RUSC1: variants seen among roughly 807,000 people sequenced by gnomAD.
The protein encoded by RUSC1 is RUN and SH3 domain containing 1.
RUSC1 carries 40 observed loss-of-function variants against 72.1 expected under a neutral mutation model. That is an observed-to-expected ratio of 0.55 (90% confidence interval 0.43 to 0.72). The LOEUF is 0.72. Ranked by LOEUF, RUSC1 falls within the 30% of genes least tolerant of loss-of-function variation. The probability of loss-of-function intolerance (pLI) is 0.00; values close to 1 mark genes in which losing one functional copy is unlikely to be tolerated. For synonymous variants in RUSC1, 512 were observed against 494.2 expected (o/e 1.04, Z -0.48); for missense variants, 1,092 against 1,172.3 (o/e 0.93, Z 1.00).
In RUSC1 at chr1:155,322,274, C is replaced by T; in HGVS notation, c.501C>T (p.Cys167=). The stretch of plus-strand genomic sequence containing the variant: ...GCTTCTGCTGCTCTCCTGATTCCTG[C>T]TCCGGAGCTTCTTCTTCACCCGATC... ...PDSFCCSPDS[C]SGASSSPDPG... Residue 167 remains cysteine (C), a synonymous_variant, in exon 2 of 10, where the codon TGC becomes TGT. Coordinates refer to ENST00000368352, the MANE Select transcript of RUSC1 (RefSeq NM_001105203.2). 1 of 1,611,956 alleles carries T rather than the reference C, an allele frequency of 6.2e-7. No individual in the cohort carries two copies.
chr1:155,327,131 A>G lies in RUSC1; in HGVS notation c.2413A>G (p.Arg805Gly). The change falls in exon 8 of 10, where the codon AGG becomes GGG. Residue 805 changes from arginine (R) to glycine (G), a missense_variant and splice_region_variant. Physicochemically the swap from Arg to Gly is moderately radical, Grantham distance 125 (BLOSUM62 -2). Coordinates refer to ENST00000368352, the MANE Select transcript of RUSC1 (RefSeq NM_001105203.2). ...AAATGAGAATGGAGCCCTAAAGTCC[A>G]GGTAATGGGGTACCTTGTCCTTTCT... ...AENENGALKSRRPSSWLPPTV... is the reference protein window; with the variant it reads ...AENENGALKSGRPSSWLPPTV... 2 of 1,598,510 alleles carry G rather than the reference A, an allele frequency of 1.3e-6. No individual in the cohort carries two copies. Among genetic ancestry groups the G allele is most frequent in the Non-Finnish European group, 1.7e-6 (2 of 1,170,728 alleles).
chr1:155,327,394 C>T (rs114584565), intron 8 of RUSC1, among the ~76,000 whole-genome samples: 3,145 of 152,200 alleles, frequency 0.021, 105 homozygotes, highest in African/African-American at 0.072. Flanking sequence ...CCCTCACATA[C>T]ACTAAAATCT....
At chr1:155,330,269 G>C in intron 9 of RUSC1, 134 bp from the exon 10 acceptor site, 1 of 848,720 alleles carries the variant, frequency 1.2e-6, no homozygotes, top group Non-Finnish European at 1.8e-6. Context: ...TTGATGAATG[G>C]TTCTCAAGTC....
intron 1 of RUSC1, 25 bp from the exon 2 acceptor site, chr1:155,321,663 G>C: frequency 1.4e-6 from 2 of 1,441,068 alleles, no homozygotes; most frequent in Admixed American, 1.9e-5. Context: ...CTCACTGGCC[G>C]GGCTTCACCA....
At chr1:155,323,885 G>A in intron 2 of RUSC1, 1 of 986,384 alleles carries the variant, frequency 1.0e-6, no homozygotes, top group South Asian at 4.6e-5. Flanking sequence ...GCCCGGCCCC[G>A]TTTTCGCTTT....
intron 2 of RUSC1, chr1:155,324,281 G>A: frequency 1.1e-5 from 17 of 1,535,778 alleles, no homozygotes; most frequent in Non-Finnish European, 1.5e-5. Context: ...TCCCACGCGG[G>A]ATGAAGAGGG....
At chr1:155,330,106 C>T (rs772283086) in intron 9 of RUSC1, among the ~76,000 whole-genome samples, 12 of 151,824 alleles carry the variant, frequency 7.9e-5, no homozygotes, top group Non-Finnish European at 1.6e-4. Flanking sequence ...CCACTATAGG[C>T]GACACGAGGA....
Position 155,325,770 on chromosome 1 carries a change from C to A in RUSC1, c.1815-94C>A. 6.4e-7 allele frequency: 1 copy of A among 1,567,754 alleles called. No individual in the cohort carries two copies. Among genetic ancestry groups the A allele is most frequent in the East Asian group, 2.2e-5 (1 of 44,660 alleles). ...TAGTGCCTCACATCCCCAGAGAAGG[C>A]CCCCCCTCTTCCAATCTCATCTCCC... On this transcript the variant is annotated intron_variant, in intron 6 of 9. Transcript: ENST00000368352. This position sits in a 1 kb window ranked among gnomAD's most constrained non-coding sequence, Gnocchi z 6.5.
chr1:155,327,529 C>T (rs1651548765), intron 8 of RUSC1, among the ~76,000 whole-genome samples: 1 of 152,130 alleles, frequency 6.6e-6, no homozygotes, highest in African/African-American at 2.4e-5. Flanking sequence ...TGAACTTGTG[C>T]ATTTCAAACC....
In RUSC1 at chr1:155,321,978, G is replaced by C. The variant is rs1650594442; in HGVS notation, c.205G>C (p.Val69Leu). The C allele has an allele frequency of 6.3e-7, 1 of 1,599,660 alleles. No individual in the cohort carries two copies. The highest frequency in any genetic ancestry group is 8.5e-7 in the Non-Finnish European group (1 of 1,172,210). ...GGACGCCAATTCCAACAGCCCAGCT[G>C]TGCCCTGCCGGTGCTGCCAGGAGCA... ...LVDANSNSPA[V>L]PCRCCQEHGP... is the part of the protein sequence containing the mutation. Residue 69 changes from valine to leucine, a missense_variant, in exon 2 of 10, where the codon GTG becomes CTG. Physicochemically the swap from Val to Leu is conservative, Grantham distance 32. Coordinates refer to ENST00000368352, the MANE Select transcript of RUSC1 (RefSeq NM_001105203.2).
chr1:155,327,367 G>A (rs980924326), intron 8 of RUSC1, among the ~76,000 whole-genome samples: 1 of 152,106 alleles, frequency 6.6e-6, no homozygotes, highest in Non-Finnish European at 1.5e-5. Flanking sequence ...GGTACATGTG[G>A]GGGATTGGTT....
In RUSC1 at chr1:155,330,716, C is replaced by G; in HGVS notation, c.*145C>G. ...TCTGCTAATATTTAAAATAAACTTT[C>G]CTTCTTCCCTCCTATACCCACCTGT... On this transcript the variant is annotated 3_prime_UTR_variant, in exon 10 of 10. Transcript: ENST00000368352. 1 of 799,288 alleles carries G rather than the reference C, an allele frequency of 1.3e-6. No homozygotes were observed. Among genetic ancestry groups the G allele is most frequent in the African/African-American group, 1.8e-5 (1 of 56,380 alleles). 49.5% of individuals were successfully genotyped at this position (799,288 alleles called of 1,614,324 possible).
At position 155,322,281 on chromosome 1, in the gene RUSC1, G is replaced by A; in HGVS notation, c.508G>A (p.Ala170Thr). 6.2e-7 allele frequency: 1 copy of A among 1,611,860 alleles called. No individual in the cohort carries two copies. Among genetic ancestry groups the A allele is most frequent in the Non-Finnish European group, 8.5e-7 (1 of 1,178,402 alleles). Residue 170 changes from alanine to threonine, a missense_variant, in exon 2 of 10, where the codon GCT becomes ACT. Coordinates refer to ENST00000368352, the MANE Select transcript of RUSC1 (RefSeq NM_001105203.2). Reference protein sequence around the residue: ...FCCSPDSCSGASSSPDPGLDS... With the variant: ...FCCSPDSCSGTSSSPDPGLDS... ...CTGCTCTCCTGATTCCTGCTCCGGA[G>A]CTTCTTCTTCACCCGATCCTGGCCT...
rs765640674 is a variant in RUSC1, at chr1:155,322,909, G to T, written c.1136G>T (p.Arg379Leu). The T allele has an allele frequency of 5.1e-6, 8 of 1,575,586 alleles. No individual in the cohort carries two copies. In the African/African-American group the frequency reaches 1.1e-4, roughly 21 times the overall value. ...TTCAAGGAACTCCGGTCCCGAAGCC[G>T]GGCCCCAGCCCCGCCAGTCCCGCCT... ...TTFKELRSRSRAPAPPVPPRD... is the reference protein window; with the variant it reads ...TTFKELRSRSLAPAPPVPPRD... The change falls in exon 2 of 10, where the codon CGG (arginine) becomes CTG (leucine). Residue 379 changes from arginine (R) to leucine (L), a missense_variant. Physicochemically the swap from Arg to Leu is moderately radical, Grantham distance 102 (BLOSUM62 -2). Coordinates refer to ENST00000368352, the MANE Select transcript of RUSC1 (RefSeq NM_001105203.2).
chr1:155,326,719 C>T lies in RUSC1; in HGVS notation c.2001C>T (p.His667=), dbSNP rs752771128. ...LTFHLDLLFE[H]HHHLPLGPPQ... is the part of the protein sequence containing the mutation. ...TCCACCTGGACCTGCTCTTTGAGCA[C>T]CACCACCACCTGCCCCTGGGCCCAC... The change falls in exon 8 of 10, where the codon CAC becomes CAT. Residue 667 remains histidine, a synonymous_variant. Coordinates refer to ENST00000368352, the MANE Select transcript of RUSC1 (RefSeq NM_001105203.2). This position sits in a 1 kb window ranked among gnomAD's most constrained non-coding sequence, Gnocchi z 4.7. The T allele has an allele frequency of 1.9e-6, 3 of 1,613,212 alleles. No individual in the cohort carries two copies. The highest frequency in any genetic ancestry group is 2.2e-5 in the East Asian group (1 of 44,896).
At position 155,322,895 on chromosome 1, in the gene RUSC1, C is replaced by G; in HGVS notation, c.1122C>G (p.Leu374=). 6.2e-7 allele frequency: 1 copy of G among 1,608,118 alleles called. No homozygotes were observed. Among genetic ancestry groups the G allele is most frequent in the Non-Finnish European group, 8.5e-7 (1 of 1,177,820 alleles). The change falls in exon 2 of 10, where the codon CTC becomes CTG. Residue 374 remains leucine, a synonymous_variant. Coordinates refer to ENST00000368352, the MANE Select transcript of RUSC1 (RefSeq NM_001105203.2). ...PPREVTTFKE[L]RSRSRAPAPP... Reference sequence around the variant, plus strand: ...GGGAAGTCACCACCTTCAAGGAACTCCGGTCCCGAAGCCGGGCCCCAGCCC... The same window carrying G: ...GGGAAGTCACCACCTTCAAGGAACTGCGGTCCCGAAGCCGGGCCCCAGCCC...
In RUSC1 at chr1:155,324,127, GC is replaced by G. The variant is rs149914053; in HGVS notation, c.1358-717del. 1,424 of 1,268,668 alleles carry G rather than the reference GC, an allele frequency of 1.1e-3. 18 individuals are homozygous for G. The African/African-American group carries it at 0.02, about 18-fold the overall frequency. 78.6% of individuals were successfully genotyped at this position (1,268,668 alleles called of 1,614,324 possible). ...GGTCCCAGCGAGTCTGTTGTTAGGG[GC>G]TTTGGGTCACACCCTCTGTGGAATT... On this transcript the variant is annotated intron_variant, in intron 2 of 9. Coordinates refer to ENST00000368352, the MANE Select transcript of RUSC1 (RefSeq NM_001105203.2).
At chr1:155,324,423 G>A in intron 2 of RUSC1, 1 of 1,612,930 alleles carries the variant, frequency 6.2e-7, no homozygotes, top group South Asian at 1.1e-5. Context: ...GGTCCATGCC[G>A]CCCACGTGCT....
Position 155,323,099 on chromosome 1 carries a change from G to C in RUSC1, c.1326G>C (p.Ala442=). ...SPAAGEEAPA[A]KEPGAQAGLE... The stretch of plus-strand genomic sequence containing the variant: ...CGGCTGGCGAGGAGGCCCCAGCCGC[G>C]AAGGAGCCGGGCGCGCAGGCCGGCC... Residue 442 remains alanine (A), a synonymous_variant, in exon 2 of 10, where the codon GCG becomes GCC. Transcript: ENST00000368352. The C allele has an allele frequency of 7.0e-7, 1 of 1,425,218 alleles. No individual in the cohort carries two copies. The highest frequency in any genetic ancestry group is 9.1e-7 in the Non-Finnish European group (1 of 1,094,104). 88.3% of individuals were successfully genotyped at this position (1,425,218 alleles called of 1,614,324 possible). A position where few individuals can be genotyped will look rare whatever the true frequency, so the allele number is the denominator to read the frequency against.
Sources: gnomAD v4.1 joint callset for allele counts (sites outside exome capture counted in the v4.1 genomes callset) on GRCh38, gnomAD v4.1.1 for gene constraint, Gnocchi (gnomAD v3.1) non-coding constraint, MANE v1.5 for transcripts, NCBI Gene and HGNC (gene_info 2026-07-23, HGNC 2026-07-21) for gene names.